Variants in RERE observed in about 807,000 individuals in gnomAD.
The protein encoded by RERE is arginine-glutamic acid dipeptide repeats protein.
A neutral mutation model predicts 146.1 loss-of-function variants in RERE; 40 were observed. The observed-to-expected ratio is 0.27, with a 90% CI of 0.21 to 0.36. The LOEUF is 0.36. Among genes scored for constraint, RERE ranks in the 10% least tolerant of loss-of-function variants. The probability of loss-of-function intolerance (pLI) is 1.00; values close to 1 mark genes in which losing one functional copy is unlikely to be tolerated. For synonymous variants in RERE, 1,003 were observed against 866.0 expected, an observed-to-expected ratio of 1.16 and a Z score of -2.78; for missense variants, 1,933 against 2,138.7, an observed-to-expected ratio of 0.90 and a Z score of 1.90.
chr1:8,486,915 C>T (rs1644908565), intron 10 of RERE, among the ~76,000 whole-genome samples: 1 of 152,018 alleles, frequency 6.6e-6, no homozygotes, highest in South Asian at 2.1e-4. Flanking sequence ...AGAACGATTT[C>T]CCAACTAATT....
chr1:8,504,341 A>G (rs1557663144), intron 8 of RERE, among the ~76,000 whole-genome samples: 1 of 152,234 alleles, frequency 6.6e-6, no homozygotes, highest in Non-Finnish European at 1.5e-5. Flanking sequence ...ATTAAGTGAA[A>G]AGGACAAATA....
intron 8 of RERE, among the ~76,000 whole-genome samples, chr1:8,499,858 G>A (rs546336007): frequency 4.6e-5 from 7 of 152,302 alleles, no homozygotes; most frequent in Admixed American, 3.9e-4. Context: ...GGTGGCTCAC[G>A]CCTGTAATCC....
chr1:8,812,736 C>T (rs961642028), intron 1 of RERE, among the ~76,000 whole-genome samples: 2 of 152,166 alleles, frequency 1.3e-5, no homozygotes, highest in Non-Finnish European at 2.9e-5. Flanking sequence ...GACCTAGTTA[C>T]CTAATGTACA....
At chr1:8,490,138 G>A (rs1396480583) in intron 10 of RERE, among the ~76,000 whole-genome samples, 10 of 151,704 alleles carry the variant, frequency 6.6e-5, no homozygotes, top group Non-Finnish European at 1.2e-4. Context: ...CAAGGCGGGC[G>A]GATCACGAGG....
At chr1:8,399,049 T>C (rs1041500018) in intron 12 of RERE, among the ~76,000 whole-genome samples, 1 of 152,096 alleles carries the variant, frequency 6.6e-6, no homozygotes, top group Non-Finnish European at 1.5e-5. Context: ...TAAAACTACC[T>C]GTTCTCATCT....
chr1:8,796,924 T>A (rs1396048493), intron 1 of RERE, among the ~76,000 whole-genome samples: 1 of 151,978 alleles, frequency 6.6e-6, no homozygotes, highest in African/African-American at 2.4e-5. Context: ...GTTGACAACT[T>A]CTCCCAAGTG....
At chr1:8,576,074 A>C (rs528634467) in intron 4 of RERE, among the ~76,000 whole-genome samples, 167 of 152,294 alleles carry the variant, frequency 1.1e-3, no homozygotes, top group African/African-American at 3.7e-3. Context: ...AGACAGTAAT[A>C]ATGTTATTAA....
intron 7 of RERE, among the ~76,000 whole-genome samples, chr1:8,532,384 T>G (rs1411952709): frequency 3.4e-5 from 5 of 145,278 alleles, no homozygotes; most frequent in African/African-American, 1.2e-4. Context: ...CTGTAAAGCA[T>G]GAGTCTGATT....
chr1:8,421,692 GA>G (rs1316654854), intron 12 of RERE, among the ~76,000 whole-genome samples: 1 of 152,130 alleles, frequency 6.6e-6, no homozygotes. Context: ...TAAACAAGAG[GA>G]AATCAGTAAA....
intron 1 of RERE, among the ~76,000 whole-genome samples, chr1:8,811,380 G>T (rs1224789327): frequency 6.6e-6 from 1 of 152,182 alleles, no homozygotes; most frequent in Admixed American, 6.5e-5. Flanking sequence ...GCCAAGGTAG[G>T]AGGATCACTT....
chr1:8,787,441 T>A (rs930885063), intron 1 of RERE, among the ~76,000 whole-genome samples: 1 of 152,184 alleles, frequency 6.6e-6, no homozygotes, highest in African/African-American at 2.4e-5. Flanking sequence ...TATTTCCCTA[T>A]AAAATGAAAT....
intron 1 of RERE, among the ~76,000 whole-genome samples, chr1:8,749,275 A>G (rs1049488831): frequency 1.3e-5 from 2 of 152,210 alleles, no homozygotes; most frequent in Non-Finnish European, 2.9e-5. Context: ...GAGCTTATTC[A>G]TTCATTCTTA....
chr1:8,366,300 C>T (rs925872148), intron 12 of RERE, among the ~76,000 whole-genome samples: 4 of 152,194 alleles, frequency 2.6e-5, no homozygotes, highest in Non-Finnish European at 5.9e-5. Context: ...CCACAATGGA[C>T]GAAAAGGAGA....
chr1:8,610,913 C>T (rs1431600253), intron 4 of RERE, among the ~76,000 whole-genome samples: 4 of 149,558 alleles, frequency 2.7e-5, no homozygotes, highest in East Asian at 2.0e-4. Context: ...AAAAACCATA[C>T]ACCGGGCACG....
At chr1:8,701,165 A>T (rs1280976375) in intron 1 of RERE, among the ~76,000 whole-genome samples, 1 of 152,102 alleles carries the variant, frequency 6.6e-6, no homozygotes, top group Non-Finnish European at 1.5e-5. Context: ...ACACACAGGC[A>T]ATTCACTGAG....
chr1:8,546,408 C>G (rs1442736407), intron 6 of RERE, among the ~76,000 whole-genome samples: 1 of 151,940 alleles, frequency 6.6e-6, no homozygotes, highest in Non-Finnish European at 1.5e-5. Flanking sequence ...GTCTTCTGTT[C>G]TTTGTTTTCC....
At position 8,360,109 on chromosome 1, in the gene RERE, T is replaced by C. The variant is rs1449732105; in HGVS notation, c.3395+3A>G. The C allele has an allele frequency of 4.4e-6, 7 of 1,577,102 alleles. No homozygotes were observed. The highest frequency in any genetic ancestry group is 1.7e-4 in the Middle Eastern group (1 of 5,922). On this transcript the variant is annotated splice_donor_region_variant and intron_variant, in intron 18 of 22. Coordinates refer to ENST00000400908, the MANE Select transcript of RERE (RefSeq NM_001042681.2). ...ACCCGTCCTGGAGCCCTAGGAAGCG[T>C]ACCTAGCTGACTGGCTGGCGTGACT... is the stretch of plus-strand genomic sequence containing the variant.
intron 1 of RERE, among the ~76,000 whole-genome samples, chr1:8,775,293 C>T (rs1269693238): frequency 2.6e-5 from 4 of 152,162 alleles, no homozygotes; most frequent in Admixed American, 6.5e-5. Flanking sequence ...TTTTCTGGGC[C>T]GGGAACAGTG....
chr1:8,782,902 T>C (rs921788892), intron 1 of RERE, among the ~76,000 whole-genome samples: 1 of 152,092 alleles, frequency 6.6e-6, no homozygotes, highest in Non-Finnish European at 1.5e-5. Flanking sequence ...TGAGACTCCA[T>C]CTTAAAAAAC....
Sources: gnomAD v4.1 joint callset for allele counts (sites outside exome capture counted in the v4.1 genomes callset) on GRCh38, gnomAD v4.1.1 for gene constraint, MANE v1.5 for transcripts, NCBI Gene and HGNC (gene_info 2026-07-23, HGNC 2026-07-21) for gene names.